The following NRG4 variants were observed in gnomAD, a reference collection of about 807,000 sequenced individuals.
The protein encoded by NRG4 is pro-neuregulin-4, membrane-bound isoform.
A neutral mutation model predicts 15.0 loss-of-function variants in NRG4; 10 were observed. The ratio of observed to expected loss-of-function variants is 0.67; its 90% CI spans 0.41 to 1.13. NRG4 has a LOEUF of 1.13. Ranked by LOEUF, NRG4 falls within the 50% of genes most tolerant of loss-of-function variation. The pLI is 0.00. For missense variants in NRG4, 139 were observed against 140.2 expected, an observed-to-expected ratio of 0.99 and a Z score of 0.04; for synonymous variants, 41 against 50.1, an observed-to-expected ratio of 0.82 and a Z score of 0.77.
intron 3 of NRG4, among the ~76,000 whole-genome samples, chr15:75,971,771 T>A (rs1038638068): frequency 6.6e-6 from 1 of 152,012 alleles, no homozygotes; most frequent in Admixed American, 6.6e-5. Context: ...AAGAAACATT[T>A]AAAAAAAATC....
chr15:75,972,380 C>T (rs1307136747), intron 3 of NRG4, among the ~76,000 whole-genome samples: 1 of 152,146 alleles, frequency 6.6e-6, no homozygotes, highest in African/African-American at 2.4e-5. Context: ...TTAATTAGAT[C>T]CCATTTGTCA....
rs1316812730 is a variant in NRG4 at position 75,943,541 on chromosome 15, A to ATTTATTTCTT, written c.*96_*97insAAGAAATAAA. On this transcript the variant is annotated 3_prime_UTR_variant, in exon 6 of 6. Transcript: ENST00000394907. ...GAGTTACACAAGCGTTTTATTTAAG[A>ATTTATTTCTT]AATAAAGGATTAGATTTTTAATTCT... The ATTTATTTCTT allele has an allele frequency of 6.4e-6, 5 of 778,404 alleles. No individual in the cohort carries two copies. The highest frequency in any genetic ancestry group is 6.6e-6 in the Non-Finnish European group (3 of 452,806). The allele number at this position is 778,404 out of a possible 1,614,324, so 48.2% of individuals were successfully genotyped here.
chr15:75,962,033 AG>A, intron 3 of NRG4, 59 bp from the exon 4 acceptor site: 1 of 1,305,288 alleles, frequency 7.7e-7, no homozygotes, highest in Non-Finnish European at 1.1e-6. Context: ...CTAGTTTGGA[AG>A]AAAAACAGTT....
chr15:76,000,843 T>C (rs544940982), intron 3 of NRG4, among the ~76,000 whole-genome samples: 2 of 152,292 alleles, frequency 1.3e-5, no homozygotes, highest in East Asian at 3.9e-4. Context: ...GAATACCTTC[T>C]AGTTGTAAAA....
At chr15:75,948,318 TTTA>T (rs1201324414) in intron 5 of NRG4, among the ~76,000 whole-genome samples, 2 of 142,338 alleles carry the variant, frequency 1.4e-5, no homozygotes, top group African/African-American at 5.1e-5. Flanking sequence ...TATTTATTTA[TTTA>T]TTTATTTATT....
chr15:76,037,855 G>C (rs1279446562), intron 4 of NRG4, among the ~76,000 whole-genome samples: 1 of 152,206 alleles, frequency 6.6e-6, no homozygotes, highest in Non-Finnish European at 1.5e-5. Context: ...CTTGAGAGGA[G>C]AGAAGAGGGA....
At chr15:76,023,482 CCA>C (rs2035221816) in intron 5 of NRG4, among the ~76,000 whole-genome samples, 1 of 152,162 alleles carries the variant, frequency 6.6e-6, no homozygotes, top group Non-Finnish European at 1.5e-5. Context: ...CAGGTGAATC[CCA>C]CAGTCATCCC....
chr15:75,973,167 CTGTT>C lies in NRG4; in HGVS notation c.105-11197_105-11194del, dbSNP rs576859652. Among the ~76,000 whole-genome samples, 842 of 152,222 alleles carry C rather than the reference CTGTT, an allele frequency of 5.5e-3. 5 individuals carry two copies. Among genetic ancestry groups the C allele is most frequent in the Non-Finnish European group, 9.0e-3 (615 of 68,016 alleles). On this transcript the variant is annotated intron_variant, in intron 3 of 5. Coordinates refer to ENST00000394907, the MANE Select transcript of NRG4 (RefSeq NM_138573.4). ...GGGAATTCACTCATGATTTGGCTCT[CTGTT>C]TGTCTGTTATTGGTGTATAGGAATA...
At chr15:75,939,412 T>C (rs1230333679), downstream of NRG4, 1 of 152,188 alleles carries the variant, frequency 6.6e-6, no homozygotes, top group African/African-American at 2.4e-5. Context: ...AGTAAGGTAA[T>C]TGAATTAGTA....
At chr15:76,009,179 C>T (rs1437934272) in intron 3 of NRG4, 21 bp downstream of exon 3, 6 of 1,111,112 alleles carry the variant, frequency 5.4e-6, no homozygotes, top group South Asian at 1.2e-5. Context: ...TTAACATCTC[C>T]CCCTAGTCCA....
chr15:76,029,964 G>C (rs1456938427), intron 5 of NRG4, among the ~76,000 whole-genome samples: 2 of 152,104 alleles, frequency 1.3e-5, no homozygotes, highest in African/African-American at 4.8e-5. Context: ...TGAGCAAAAA[G>C]AACAAAGCTG....
Position 76,059,489 on chromosome 15 carries a change from T to C in NRG4, c.-328+166A>G, listed in dbSNP as rs193283250. ...GACGGGAGGTTCCCATTCTCAGCTG[T>C]ACGAAATCCCGCGGGGGTCCTCCGC... On this transcript the variant is annotated intron_variant, in intron 1 of 8. Transcript: ENST00000563910. Among the ~76,000 whole-genome samples the C allele has an allele frequency of 5.3e-5, 8 of 152,246 alleles. No homozygotes were observed. In the East Asian group the frequency reaches 1.5e-3, roughly 29 times the overall value.
chr15:76,017,230 T>C (rs904176681), upstream of NRG4, among the ~76,000 whole-genome samples: 1 of 150,202 alleles, frequency 6.7e-6, no homozygotes, highest in African/African-American at 2.4e-5. Context: ...TGAGCGTGTG[T>C]TTCTTTGCAT....
intron 5 of NRG4, among the ~76,000 whole-genome samples, chr15:75,943,909 C>T (rs533493020): frequency 3.3e-5 from 5 of 152,090 alleles, no homozygotes; most frequent in Non-Finnish European, 7.4e-5. Flanking sequence ...CTGCCCACAC[C>T]CCCCGCCCCT....
At chr15:76,051,648 C>A (rs1305849763) in intron 4 of NRG4, among the ~76,000 whole-genome samples, 1 of 149,700 alleles carries the variant, frequency 6.7e-6, no homozygotes, top group Non-Finnish European at 1.5e-5. Context: ...ACTGCAAGCT[C>A]CGCCTCCGGG....
At chr15:76,005,560 C>T (rs2034570773) in intron 3 of NRG4, among the ~76,000 whole-genome samples, 1 of 151,374 alleles carries the variant, frequency 6.6e-6, no homozygotes, top group African/African-American at 2.4e-5. Flanking sequence ...GTGGCACACA[C>T]CTGTAATCTC....
intron 3 of NRG4, among the ~76,000 whole-genome samples, chr15:75,988,249 G>A (rs113284248): frequency 0.016 from 2,472 of 152,122 alleles, 67 homozygotes; most frequent in African/African-American, 0.056. Context: ...GCAGTGGCGC[G>A]ATCTCGGCTC....
chr15:75,998,838 T>C (rs539511508), intron 3 of NRG4, among the ~76,000 whole-genome samples: 6 of 152,198 alleles, frequency 3.9e-5, no homozygotes, highest in Non-Finnish European at 7.3e-5. Context: ...GATAAGAAGA[T>C]TCAGCATCAT....
intron 5 of NRG4, among the ~76,000 whole-genome samples, chr15:76,018,781 G>A (rs1183354741): frequency 6.6e-6 from 1 of 152,298 alleles, no homozygotes; most frequent in Non-Finnish European, 1.5e-5. Context: ...ACTGGGAGGT[G>A]TCTCCCCGTC....
Sources: gnomAD v4.1 joint callset for allele counts (sites outside exome capture counted in the v4.1 genomes callset) on GRCh38, gnomAD v4.1.1 for gene constraint, MANE v1.5 for transcripts, NCBI Gene and HGNC (gene_info 2026-07-23, HGNC 2026-07-21) for gene names.